The following FSTL5 variants were observed in gnomAD, a reference collection of about 807,000 sequenced individuals.
FSTL5 encodes follistatin like 5.
A neutral mutation model predicts 89.1 loss-of-function variants in FSTL5; 62 were observed. That is an observed-to-expected ratio of 0.70 (90% CI 0.57 to 0.86). The LOEUF is 0.86. Among genes scored for constraint, FSTL5 ranks in the 40% least tolerant of loss-of-function variants. FSTL5 has a pLI of 0.00. For synonymous variants in FSTL5, 383 were observed against 346.2 expected (o/e 1.11, Z -1.18); for missense variants, 1,057 against 1,001.6 (o/e 1.06, Z -0.75).
At chr4:162,062,325 T>C (rs1437702350) in intron 2 of FSTL5, among the ~76,000 whole-genome samples, 2 of 151,960 alleles carry the variant, frequency 1.3e-5, no homozygotes, top group African/African-American at 2.4e-5. Flanking sequence ...GCCATCTGTA[T>C]ATACAGAAAG....
chr4:161,932,836 A>C (rs1734328119), intron 3 of FSTL5, among the ~76,000 whole-genome samples: 1 of 152,048 alleles, frequency 6.6e-6, no homozygotes. Flanking sequence ...ATTTTTAAAT[A>C]TTATTTTATT....
At chr4:161,742,285 A>G (rs967629214) in intron 6 of FSTL5, among the ~76,000 whole-genome samples, 2 of 152,158 alleles carry the variant, frequency 1.3e-5, no homozygotes, top group African/African-American at 2.4e-5. Flanking sequence ...TGCCCTGTAA[A>G]GGGACTGGAT....
At chr4:161,828,111 GA>G (rs1730722795) in intron 4 of FSTL5, among the ~76,000 whole-genome samples, 3 of 152,208 alleles carry the variant, frequency 2.0e-5, no homozygotes, top group African/African-American at 7.2e-5. Flanking sequence ...CCTGGGGACT[GA>G]GAGAGCCCAC....
chr4:161,983,477 G>A (rs937130599), intron 3 of FSTL5, among the ~76,000 whole-genome samples: 13 of 152,186 alleles, frequency 8.5e-5, no homozygotes, highest in African/African-American at 3.1e-4. Flanking sequence ...AGAACAACTT[G>A]TATTTCCTGC....
Position 161,775,940 on chromosome 4 carries a change from G to A in FSTL5, c.544C>T (p.Gln182Ter). The A allele has an allele frequency of 1.2e-6, 2 of 1,605,366 alleles. No homozygotes were observed. Among genetic ancestry groups the A allele is most frequent in the Non-Finnish European group, 1.7e-6 (2 of 1,175,722 alleles). The change falls in exon 5 of 16, where the codon CAA (glutamine) becomes TAA (stop). Residue 182 changes from glutamine (Q) to a stop codon, truncating the protein, a stop_gained. Coordinates refer to ENST00000306100, the MANE Select transcript of FSTL5 (RefSeq NM_020116.5). LOFTEE classifies it high-confidence loss of function. Reference protein sequence around the residue: ...DISRKKLLVDQMFKYFDADSN... With the variant: ...DISRKKLLVD Reference sequence around the variant, plus strand: ...TCTGCATCAAAATATTTAAACATTTGATCCACCAATAGCTTCTTCCGAGAT... The same window carrying A: ...TCTGCATCAAAATATTTAAACATTTAATCCACCAATAGCTTCTTCCGAGAT...
At chr4:161,478,263 T>C (rs1169661835) in intron 13 of FSTL5, among the ~76,000 whole-genome samples, 2 of 152,158 alleles carry the variant, frequency 1.3e-5, no homozygotes, top group Non-Finnish European at 2.9e-5. Context: ...TTATTGATGA[T>C]AGTTCCTCTA....
rs1035744586 is a variant in FSTL5, at chr4:162,126,945, G to C, written c.-16-15533C>G. ...GTCTTCCACCATCTGACTATGCTGA[G>C]AGCATTGCAGATTCAGTCACCAGCC... On this transcript the variant is annotated intron_variant, in intron 1 of 15. Coordinates refer to ENST00000306100, the MANE Select transcript of FSTL5 (RefSeq NM_020116.5). Among the ~76,000 whole-genome samples, 138 of 152,260 alleles carry C rather than the reference G, an allele frequency of 9.1e-4. 1 individual carries two copies. Among genetic ancestry groups the C allele is most frequent in the African/African-American group, 3.2e-3 (134 of 41,554 alleles).
At chr4:161,638,020 T>A (rs1377151758) in intron 7 of FSTL5, among the ~76,000 whole-genome samples, 2 of 152,108 alleles carry the variant, frequency 1.3e-5, no homozygotes, top group Non-Finnish European at 2.9e-5. Flanking sequence ...GGTAGCTTTA[T>A]GGGGATGGCA....
chr4:161,976,048 G>A (rs1318122550), intron 3 of FSTL5, among the ~76,000 whole-genome samples: 3 of 149,640 alleles, frequency 2.0e-5, no homozygotes, highest in African/African-American at 7.4e-5. Context: ...AACTCGGCAG[G>A]CGGATCTTGC....
At chr4:161,482,417 A>T (rs1330393530) in intron 12 of FSTL5, among the ~76,000 whole-genome samples, 1 of 152,190 alleles carries the variant, frequency 6.6e-6, no homozygotes, top group African/African-American at 2.4e-5. Flanking sequence ...CTGACAATTA[A>T]CAACGTCTAA....
At chr4:161,695,435 GTGTGTGTGTGTGTGTGTGTA>G (rs961497876) in intron 6 of FSTL5, among the ~76,000 whole-genome samples, 5 of 132,936 alleles carry the variant, frequency 3.8e-5, no homozygotes, top group African/African-American at 1.3e-4. Flanking sequence ...GTGTGTGTGT[GTGTGTGTGTGTGTGTGTGTA>G]TATATATCAC....
chr4:161,781,933 AT>A (rs950178916), intron 4 of FSTL5, among the ~76,000 whole-genome samples: 2 of 152,042 alleles, frequency 1.3e-5, no homozygotes, highest in Admixed American at 6.6e-5. Flanking sequence ...GCAACCACTG[AT>A]TTTTTTTATG....
At chr4:162,027,715 TAAGTC>T (rs1388459052) in intron 3 of FSTL5, among the ~76,000 whole-genome samples, 4 of 152,214 alleles carry the variant, frequency 2.6e-5, no homozygotes, top group South Asian at 2.1e-4. Context: ...TTTGTATTGT[TAAGTC>T]AAGTATAAAG....
intron 6 of FSTL5, among the ~76,000 whole-genome samples, chr4:161,674,395 G>A (rs1324506643): frequency 6.6e-6 from 1 of 152,118 alleles, no homozygotes; most frequent in African/African-American, 2.4e-5. Context: ...ACGGAAAAAT[G>A]TCTTGTGGAG....
chr4:162,154,600 G>A (rs555655559), intron 1 of FSTL5, among the ~76,000 whole-genome samples: 1 of 152,180 alleles, frequency 6.6e-6, no homozygotes, highest in South Asian at 2.1e-4. Flanking sequence ...CCTTTGTGTG[G>A]TTCTCAGTCA....
intron 15 of FSTL5, among the ~76,000 whole-genome samples, chr4:161,449,848 G>C (rs1733097376): frequency 6.6e-6 from 1 of 152,052 alleles, no homozygotes; most frequent in Non-Finnish European, 1.5e-5. Context: ...AATGTTAGCT[G>C]TTCCCTTGCA....
intron 4 of FSTL5, among the ~76,000 whole-genome samples, chr4:161,831,244 T>A (rs1051884727): frequency 7.9e-5 from 12 of 151,960 alleles, no homozygotes; most frequent in Non-Finnish European, 1.8e-4. Context: ...AAATTTTATT[T>A]AAAACAATTT....
chr4:161,892,879 T>C (rs1733031916), intron 4 of FSTL5, among the ~76,000 whole-genome samples: 1 of 152,144 alleles, frequency 6.6e-6, no homozygotes. Flanking sequence ...ACAACTATTA[T>C]TCAAATAGTT....
chr4:161,862,304 A>G (rs1731942141), intron 4 of FSTL5, among the ~76,000 whole-genome samples: 1 of 152,192 alleles, frequency 6.6e-6, no homozygotes, highest in Non-Finnish European at 1.5e-5. Context: ...AGTAAAATAT[A>G]CAAGATTCAG....
Sources: gnomAD v4.1 joint callset for allele counts (sites outside exome capture counted in the v4.1 genomes callset) on GRCh38, gnomAD v4.1.1 for gene constraint, MANE v1.5 for transcripts, NCBI Gene and HGNC (gene_info 2026-07-23, HGNC 2026-07-21) for gene names.